Variants in ITGA8 observed in about 807,000 individuals in gnomAD.
ITGA8 encodes integrin alpha-8.
A neutral mutation model predicts 142.3 loss-of-function variants in ITGA8; 91 were observed. The ratio of observed to expected loss-of-function variants is 0.64; its 90% CI spans 0.54 to 0.76. The LOEUF (loss-of-function observed/expected upper bound fraction) is 0.76. Among genes scored for constraint, ITGA8 ranks in the 30% least tolerant of loss-of-function variants. The pLI is 0.00. For synonymous variants in ITGA8, 505 were observed against 485.2 expected (o/e 1.04, Z -0.54); for missense variants, 1,406 against 1,327.7 (o/e 1.06, Z -0.92).
At chr10:15,635,699 A>C (rs1391519325) in intron 13 of ITGA8, among the ~76,000 whole-genome samples, 1 of 152,222 alleles carries the variant, frequency 6.6e-6, no homozygotes, top group East Asian at 1.9e-4. Context: ...GAAACTATGA[A>C]TATCTTAGTC....
rs1418982209 is a variant in ITGA8, at chr10:15,605,285, T to C, written c.1970+439A>G. On this transcript the variant is annotated intron_variant, in intron 19 of 29. Coordinates refer to ENST00000378076, the MANE Select transcript of ITGA8 (RefSeq NM_003638.3). The stretch of plus-strand genomic sequence containing the variant: ...TTTACTCCATAGAGTGCTATTTAGG[T>C]TTATTTATTCAATAAGTTAAAATTA... Among the ~76,000 whole-genome samples, 4 of 152,174 alleles carry C rather than the reference T, an allele frequency of 2.6e-5. No homozygotes were observed. In the East Asian group the frequency reaches 5.8e-4, roughly 22 times the overall value.
At chr10:15,542,746 A>G (rs1319796658) in intron 27 of ITGA8, among the ~76,000 whole-genome samples, 1 of 152,210 alleles carries the variant, frequency 6.6e-6, no homozygotes, top group Non-Finnish European at 1.5e-5. Context: ...GCCATATAAT[A>G]TCTATGTCTC....
intron 19 of ITGA8, 29 bp downstream of exon 19, chr10:15,605,695 A>G: frequency 6.4e-7 from 1 of 1,556,722 alleles, no homozygotes; most frequent in Non-Finnish European, 8.9e-7. Context: ...CATTAGATAG[A>G]AAGTACACAT....
chr10:15,550,922 C>CT (rs1833782982), intron 26 of ITGA8, among the ~76,000 whole-genome samples: 3 of 151,696 alleles, frequency 2.0e-5, no homozygotes, highest in Non-Finnish European at 2.9e-5. Context: ...ATGCTGAGGC[C>CT]CTGAACTGAG....
chr10:15,555,289 G>T (rs1212608503), intron 26 of ITGA8, among the ~76,000 whole-genome samples: 1 of 152,158 alleles, frequency 6.6e-6, no homozygotes, highest in African/African-American at 2.4e-5. Context: ...ACATAGAAGG[G>T]CACACCATGG....
chr10:15,548,047 T>G (rs1204630221), intron 27 of ITGA8, among the ~76,000 whole-genome samples: 1 of 151,872 alleles, frequency 6.6e-6, no homozygotes, highest in Non-Finnish European at 1.5e-5. Context: ...TTGAAACTTT[T>G]ACATTGAAAA....
intron 4 of ITGA8, among the ~76,000 whole-genome samples, chr10:15,682,247 T>C (rs1052080342): frequency 6.6e-6 from 1 of 152,214 alleles, no homozygotes; most frequent in Admixed American, 6.5e-5. Context: ...GTTTACTGTC[T>C]AGAGGCAGTT....
At chr10:15,599,051 T>C (rs773865545) in intron 20 of ITGA8, among the ~76,000 whole-genome samples, 10 of 151,124 alleles carry the variant, frequency 6.6e-5, no homozygotes, top group Non-Finnish European at 1.5e-4. Context: ...ATATGTCCCT[T>C]GAATTACATT....
intron 28 of ITGA8, among the ~76,000 whole-genome samples, chr10:15,520,990 C>T (rs1414115206): frequency 2.0e-5 from 3 of 152,140 alleles, no homozygotes; most frequent in South Asian, 2.1e-4. Flanking sequence ...ACCATGCTCA[C>T]TTTGTTGCCT....
intron 26 of ITGA8, among the ~76,000 whole-genome samples, chr10:15,551,090 G>A (rs934594955): frequency 6.6e-6 from 1 of 152,082 alleles, no homozygotes; most frequent in Admixed American, 6.6e-5. Context: ...TAGAGAGGAG[G>A]TACATTTGAG....
intron 25 of ITGA8, among the ~76,000 whole-genome samples, chr10:15,563,871 A>C (rs756584214): frequency 6.6e-6 from 1 of 151,898 alleles, no homozygotes; most frequent in Non-Finnish European, 1.5e-5. Flanking sequence ...GAGCCAAGAT[A>C]GTGCCACTGC....
chr10:15,560,605 T>A (rs1312478867), intron 25 of ITGA8, among the ~76,000 whole-genome samples: 1 of 152,176 alleles, frequency 6.6e-6, no homozygotes, highest in Admixed American at 6.5e-5. Flanking sequence ...TAAGTTATGA[T>A]CTATTTATAC....
At chr10:15,640,658 A>G (rs1354106004) in intron 13 of ITGA8, among the ~76,000 whole-genome samples, 1 of 152,192 alleles carries the variant, frequency 6.6e-6, no homozygotes, top group African/African-American at 2.4e-5. Flanking sequence ...GGCTGGAGCA[A>G]TGAGATGCCT....
chr10:15,578,005 A>G (rs759899115), intron 23 of ITGA8, among the ~76,000 whole-genome samples: 5 of 152,186 alleles, frequency 3.3e-5, no homozygotes, highest in African/African-American at 4.8e-5. Flanking sequence ...GTTGTAAGAA[A>G]TAACTTGGAG....
chr10:15,704,063 T>G (rs1020124755), intron 2 of ITGA8, among the ~76,000 whole-genome samples: 3 of 152,308 alleles, frequency 2.0e-5, no homozygotes, highest in African/African-American at 4.8e-5. Flanking sequence ...AGCCAGAACC[T>G]TGGAATGCAT....
chr10:15,706,552 C>T (rs1197403090), intron 2 of ITGA8, among the ~76,000 whole-genome samples: 3 of 152,058 alleles, frequency 2.0e-5, no homozygotes, highest in Non-Finnish European at 4.4e-5. Flanking sequence ...GTGGTCTTCC[C>T]ACATCAGCCT....
At chr10:15,619,823 C>A (rs758224320) in intron 13 of ITGA8, among the ~76,000 whole-genome samples, 1 of 152,160 alleles carries the variant, frequency 6.6e-6, no homozygotes, top group Non-Finnish European at 1.5e-5. Context: ...GTGGCCCTGG[C>A]CTGAATCCAT....
chr10:15,619,051 G>T (rs1833444070), intron 13 of ITGA8, among the ~76,000 whole-genome samples: 1 of 152,146 alleles, frequency 6.6e-6, no homozygotes, highest in African/African-American at 2.4e-5. Flanking sequence ...TTCCTTATCA[G>T]TCAAGTGGGA....
At chr10:15,598,241 T>C (rs1163130417) in intron 20 of ITGA8, among the ~76,000 whole-genome samples, 4 of 152,164 alleles carry the variant, frequency 2.6e-5, no homozygotes, top group Admixed American at 6.5e-5. Flanking sequence ...AACAGCAAAT[T>C]TGGGGGGAAT....
Sources: gnomAD v4.1 joint callset for allele counts (sites outside exome capture counted in the v4.1 genomes callset) on GRCh38, gnomAD v4.1.1 for gene constraint, MANE v1.5 for transcripts, NCBI Gene and HGNC (gene_info 2026-07-23, HGNC 2026-07-21) for gene names.